Variants in HDAC9 observed in about 807,000 individuals in gnomAD.
The protein encoded by HDAC9 is histone deacetylase 9, also known as MEF-2 interacting transcription repressor (MITR) protein.
A neutral mutation model predicts 139.4 loss-of-function variants in HDAC9; 41 were observed. That is an observed-to-expected ratio of 0.29 (90% CI 0.23 to 0.38). The LOEUF (loss-of-function observed/expected upper bound fraction) is 0.38, where lower values mean the gene tolerates loss of function less well. HDAC9 is among the 10% of genes least tolerant of loss of function. The pLI, the probability that HDAC9 is intolerant of heterozygous loss-of-function variation, is 1.00. For synonymous variants in HDAC9, 517 were observed against 476.2 expected (o/e 1.09, Z -1.12); for missense variants, 1,147 against 1,297.0 (o/e 0.88, Z 1.78).
intron 13 of HDAC9, among the ~76,000 whole-genome samples, chr7:18,739,433 C>G (rs1026975523): frequency 2.6e-5 from 4 of 152,212 alleles, no homozygotes; most frequent in Admixed American, 2.6e-4. Flanking sequence ...TGGTGACCTA[C>G]AGATGGGGTT....
chr7:18,512,025 A>AC (rs1313249151), intron 2 of HDAC9, among the ~76,000 whole-genome samples: 1 of 151,984 alleles, frequency 6.6e-6, no homozygotes, highest in Admixed American at 6.6e-5. Context: ...AGCAAAAAAA[A>AC]AAAAAAAAAA....
chr7:18,469,790 G>A (rs1299330152), intron 1 of HDAC9, among the ~76,000 whole-genome samples: 1 of 152,108 alleles, frequency 6.6e-6, no homozygotes, highest in East Asian at 1.9e-4. Flanking sequence ...GGGGAACTCA[G>A]ATCTTATAGG....
At chr7:18,120,465 C>T in intron 1 of HDAC9, among the ~76,000 whole-genome samples, 1 of 152,102 alleles carries the variant, frequency 6.6e-6, no homozygotes, top group East Asian at 1.9e-4. Flanking sequence ...GTCTGTAAAG[C>T]CAATTGAGGG....
At chr7:18,985,146 A>T (rs553731075) in intron 25 of HDAC9, among the ~76,000 whole-genome samples, 4 of 152,268 alleles carry the variant, frequency 2.6e-5, no homozygotes, top group Non-Finnish European at 5.9e-5. Flanking sequence ...ATATGTATAC[A>T]TGTGCCATGC....
At chr7:18,961,519 T>C (rs1783527792) in intron 24 of HDAC9, among the ~76,000 whole-genome samples, 3 of 152,128 alleles carry the variant, frequency 2.0e-5, no homozygotes, top group Admixed American at 6.6e-5. Context: ...TGATAGAAAG[T>C]CTTAACAATT....
At chr7:18,732,476 ACAGTG>A (rs750770607) in intron 13 of HDAC9, among the ~76,000 whole-genome samples, 30 of 147,878 alleles carry the variant, frequency 2.0e-4, no homozygotes, top group South Asian at 4.2e-4. Flanking sequence ...GTGTGTATAT[ACAGTG>A]TATATATGTG....
At chr7:18,620,513 CTT>C (rs199696034) in intron 6 of HDAC9, among the ~76,000 whole-genome samples, 20 of 135,606 alleles carry the variant, frequency 1.5e-4, no homozygotes, top group Non-Finnish European at 1.9e-4. Flanking sequence ...CTGAGTGGTA[CTT>C]TTTTTTTTTT....
intron 1 of HDAC9, among the ~76,000 whole-genome samples, chr7:18,091,605 T>C (rs1782152553): frequency 6.6e-6 from 1 of 152,242 alleles, no homozygotes; most frequent in Non-Finnish European, 1.5e-5. Context: ...GTAACACATT[T>C]CCACAAATTT....
At chr7:18,755,484 T>C (rs1363290679) in intron 14 of HDAC9, among the ~76,000 whole-genome samples, 1 of 152,138 alleles carries the variant, frequency 6.6e-6, no homozygotes, top group Non-Finnish European at 1.5e-5. Flanking sequence ...TAACAAAAAA[T>C]ATTTGTTGAA....
chr7:18,167,957 TA>T (rs1467186591), intron 2 of HDAC9, among the ~76,000 whole-genome samples: 1 of 152,212 alleles, frequency 6.6e-6, no homozygotes, highest in African/African-American at 2.4e-5. Flanking sequence ...ATTAAAAAGT[TA>T]AGTAATTTTC....
intron 1 of HDAC9, among the ~76,000 whole-genome samples, chr7:18,465,919 T>A (rs1178924013): frequency 1.3e-5 from 2 of 152,332 alleles, no homozygotes; most frequent in East Asian, 1.9e-4. Flanking sequence ...GGAACTAACA[T>A]AAATTTAGCA....
intron 2 of HDAC9, among the ~76,000 whole-genome samples, chr7:18,176,095 A>G (rs771797685): frequency 6.6e-6 from 1 of 152,162 alleles, no homozygotes; most frequent in South Asian, 2.1e-4. Context: ...CTCAGAAGAA[A>G]TTGTTTTTCA....
At chr7:18,412,821 C>T (rs1271492470) in intron 1 of HDAC9, among the ~76,000 whole-genome samples, 1 of 152,092 alleles carries the variant, frequency 6.6e-6, no homozygotes, top group Non-Finnish European at 1.5e-5. Context: ...AAGGAAGACT[C>T]TTCATCTAAT....
intron 2 of HDAC9, among the ~76,000 whole-genome samples, chr7:18,575,177 C>A (rs1359737073): frequency 6.6e-6 from 1 of 152,242 alleles, no homozygotes; most frequent in Non-Finnish European, 1.5e-5. Context: ...CAAGACTACA[C>A]ATTTTAATGA....
intron 16 of HDAC9, among the ~76,000 whole-genome samples, chr7:18,782,739 C>G (rs1408758696): frequency 6.6e-6 from 1 of 151,964 alleles, no homozygotes; most frequent in Non-Finnish European, 1.5e-5. Context: ...TGAGAGCTTA[C>G]TGCTTCCAGC....
At chr7:18,616,699 C>T (rs1268949893) in intron 6 of HDAC9, among the ~76,000 whole-genome samples, 1 of 151,992 alleles carries the variant, frequency 6.6e-6, no homozygotes, top group African/African-American at 2.4e-5. Flanking sequence ...AACAGATGCC[C>T]AGGTGACTTG....
In HDAC9 at chr7:18,402,177, T is replaced by C. The variant is rs73060354; in HGVS notation, c.-41-94085T>C. On this transcript the variant is annotated intron_variant, in intron 1 of 3. Coordinates refer to the HDAC9 transcript ENST00000413509. ...AAAAATAAGACTTATATCCCTGTTC[T>C]TCAGTTCTCAAGGATCTTGTAGTCT... Among the ~76,000 whole-genome samples, 463 of 152,302 alleles carry C rather than the reference T, an allele frequency of 3.0e-3. 6 individuals are homozygous for C. Among genetic ancestry groups the C allele is most frequent in the Non-Finnish European group, 5.6e-3 (382 of 68,010 alleles).
intron 12 of HDAC9, among the ~76,000 whole-genome samples, chr7:18,703,108 T>A (rs998282236): frequency 1.3e-5 from 2 of 152,206 alleles, no homozygotes; most frequent in African/African-American, 4.8e-5. Context: ...TTTCATTTTA[T>A]TCTTTCCTGA....
intron 13 of HDAC9, among the ~76,000 whole-genome samples, chr7:18,747,650 G>A (rs1475282987): frequency 6.6e-6 from 1 of 152,176 alleles, no homozygotes; most frequent in African/African-American, 2.4e-5. Flanking sequence ...CTGCTCATAA[G>A]GGAGGTCAGT....
Sources: gnomAD v4.1 joint callset for allele counts (sites outside exome capture counted in the v4.1 genomes callset) on GRCh38, gnomAD v4.1.1 for gene constraint, MANE v1.5 for transcripts, NCBI Gene and HGNC (gene_info 2026-07-23, HGNC 2026-07-21) for gene names.